The following CLSTN2 variants were observed in gnomAD, a reference collection of about 807,000 sequenced individuals.
CLSTN2 encodes the protein calsyntenin-2.
Under a neutral mutation model 101.2 loss-of-function variants are expected in CLSTN2, and 48 were observed. The observed-to-expected ratio is 0.47, with a 90% CI of 0.38 to 0.60. The LOEUF is 0.60. CLSTN2 is among the 20% of genes least tolerant of loss of function. The probability of loss-of-function intolerance (pLI) is 0.00; values close to 1 mark genes in which losing one functional copy is unlikely to be tolerated. For missense variants in CLSTN2, 1,160 were observed against 1,238.2 expected (o/e 0.94, Z 0.95); for synonymous variants, 481 against 463.6 (o/e 1.04, Z -0.48).
At position 140,022,108 on chromosome 3, in the gene CLSTN2, T is replaced by G. The variant is rs140097487; in HGVS notation, c.109+86625T>G. Among the ~76,000 whole-genome samples the G allele has an allele frequency of 2.3e-3, 350 of 152,256 alleles. 2 individuals are homozygous for G. The highest frequency in any genetic ancestry group is 3.4e-3 in the Middle Eastern group (1 of 294). On this transcript the variant is annotated intron_variant, in intron 1 of 16. Transcript: ENST00000458420. ...AGGACTCACTGGGCAGCAGTGGGAA[T>G]GGGGAGTGGCCTTGGCTGGGGGCAG...
intron 2 of CLSTN2, among the ~76,000 whole-genome samples, chr3:140,219,287 A>G (rs62266220): frequency 0.014 from 2,198 of 152,108 alleles, 26 homozygotes; most frequent in South Asian, 0.029. Context: ...AAAGTTTCTC[A>G]TCTTATCAAA....
intron 1 of CLSTN2, among the ~76,000 whole-genome samples, chr3:140,139,756 A>C (rs192407468): frequency 1.3e-5 from 2 of 152,222 alleles, no homozygotes; most frequent in Admixed American, 1.3e-4. Context: ...AACAGCAACC[A>C]CTCACATTCT....
intron 2 of CLSTN2, among the ~76,000 whole-genome samples, chr3:140,355,681 A>T (rs1022639103): frequency 6.6e-6 from 1 of 152,154 alleles, no homozygotes; most frequent in Non-Finnish European, 1.5e-5. Flanking sequence ...AAGCATGGGG[A>T]AGTGACTAAG....
intron 2 of CLSTN2, among the ~76,000 whole-genome samples, chr3:140,323,091 A>G (rs1006932037): frequency 6.6e-5 from 10 of 152,210 alleles, no homozygotes; most frequent in African/African-American, 2.4e-4. Flanking sequence ...ACATAAGCAC[A>G]TTGAATGGTG....
intron 12 of CLSTN2, among the ~76,000 whole-genome samples, chr3:140,559,773 A>G (rs1197844356): frequency 6.6e-6 from 1 of 152,038 alleles, no homozygotes; most frequent in East Asian, 1.9e-4. Context: ...GTCCCTGAGG[A>G]GCTGCTGTTA....
intron 8 of CLSTN2, among the ~76,000 whole-genome samples, chr3:140,489,494 C>A (rs1031781474): frequency 6.6e-6 from 1 of 152,008 alleles, no homozygotes. Context: ...AATTACAGTA[C>A]CATGATCAGG....
At chr3:140,263,751 T>A (rs2086672699) in intron 2 of CLSTN2, among the ~76,000 whole-genome samples, 1 of 152,100 alleles carries the variant, frequency 6.6e-6, no homozygotes, top group African/African-American at 2.4e-5. Context: ...AATTGGGTCC[T>A]TATTAAAACA....
chr3:140,212,586 T>A (rs898825916), intron 2 of CLSTN2, among the ~76,000 whole-genome samples: 2 of 152,236 alleles, frequency 1.3e-5, no homozygotes, highest in Non-Finnish European at 2.9e-5. Context: ...GGCTCCCCTC[T>A]GCTTTTAGGC....
chr3:140,564,327 A>G (rs755931309), intron 16 of CLSTN2, among the ~76,000 whole-genome samples, 182 bp downstream of exon 16: 12 of 152,158 alleles, frequency 7.9e-5, no homozygotes, highest in Non-Finnish European at 1.6e-4. Flanking sequence ...TGAACAGATC[A>G]TACCTTCCCA....
At chr3:140,024,891 G>A (rs1466880165) in intron 1 of CLSTN2, among the ~76,000 whole-genome samples, 1 of 152,166 alleles carries the variant, frequency 6.6e-6, no homozygotes, top group East Asian at 1.9e-4. Context: ...TGGTAGTTGT[G>A]GCTACTTTTG....
chr3:140,295,397 G>T (rs1245139490), intron 2 of CLSTN2, among the ~76,000 whole-genome samples: 2 of 151,986 alleles, frequency 1.3e-5, no homozygotes, highest in Non-Finnish European at 2.9e-5. Context: ...CAATCTGTTT[G>T]TCATAGTTTT....
At chr3:140,224,565 A>G (rs2086302680) in intron 2 of CLSTN2, among the ~76,000 whole-genome samples, 1 of 152,164 alleles carries the variant, frequency 6.6e-6, no homozygotes, top group South Asian at 2.1e-4. Flanking sequence ...TCAAAGTGTG[A>G]CCCACAGAAC....
intron 8 of CLSTN2, among the ~76,000 whole-genome samples, chr3:140,468,023 C>A (rs978983838): frequency 6.6e-5 from 10 of 152,170 alleles, no homozygotes; most frequent in Non-Finnish European, 1.5e-4. Flanking sequence ...CTAGGGGAGC[C>A]CAGTGGCAAC....
intron 6 of CLSTN2, 124 bp downstream of exon 6, chr3:140,448,828 C>A (rs568645028): frequency 4.8e-6 from 4 of 836,050 alleles, no homozygotes; most frequent in Admixed American, 5.9e-5. Context: ...TGTGTAACTC[C>A]TGGATGGATT....
intron 2 of CLSTN2, among the ~76,000 whole-genome samples, chr3:140,305,756 A>G (rs998804469): frequency 7.9e-5 from 12 of 152,246 alleles, no homozygotes; most frequent in African/African-American, 2.9e-4. Flanking sequence ...TACGCCCAAT[A>G]TTTTGTTAAA....
chr3:140,556,111 G>C (rs1935785661), intron 10 of CLSTN2, among the ~76,000 whole-genome samples: 1 of 152,216 alleles, frequency 6.6e-6, no homozygotes, highest in Non-Finnish European at 1.5e-5. Context: ...TTGGGGAGCA[G>C]TTCAAGGGCA....
chr3:140,086,649 C>T (rs1270563833), intron 1 of CLSTN2, among the ~76,000 whole-genome samples: 1 of 152,174 alleles, frequency 6.6e-6, no homozygotes, highest in Non-Finnish European at 1.5e-5. Flanking sequence ...CCAGCCTTAC[C>T]ACTTTCTTTT....
chr3:140,391,612 A>T (rs1469323274), intron 2 of CLSTN2, among the ~76,000 whole-genome samples: 1 of 152,058 alleles, frequency 6.6e-6, no homozygotes, highest in Admixed American at 6.5e-5. Context: ...TATATAATTT[A>T]TAGTGATTTT....
chr3:140,149,751 C>T (rs2009833578), intron 1 of CLSTN2, among the ~76,000 whole-genome samples: 1 of 152,214 alleles, frequency 6.6e-6, no homozygotes, highest in South Asian at 2.1e-4. Context: ...GCCACCGCGC[C>T]TGGCCAATAA....
Sources: allele counts gnomAD v4.1 joint callset (sites outside exome capture counted in the v4.1 genomes callset), GRCh38; gene constraint gnomAD v4.1.1; transcripts MANE v1.5; gene names NCBI Gene and HGNC (gene_info 2026-07-23, HGNC 2026-07-21).